Variants in ALDH7A1 observed in about 807,000 individuals in gnomAD.
ALDH7A1 encodes the protein alpha-aminoadipic semialdehyde dehydrogenase.
In ALDH7A1, 63 loss-of-function variants were observed where a neutral mutation model predicts 79.9. The observed-to-expected ratio is 0.79, with a 90% CI of 0.64 to 0.97. The LOEUF (loss-of-function observed/expected upper bound fraction) is 0.97. Among genes scored for constraint, ALDH7A1 ranks in the 50% least tolerant of loss-of-function variants. The pLI, the probability that ALDH7A1 is intolerant of heterozygous loss-of-function variation, is 0.00. For synonymous variants in ALDH7A1, 240 were observed against 231.2 expected, an observed-to-expected ratio of 1.04 and a Z score of -0.34; for missense variants, 627 against 665.2, an observed-to-expected ratio of 0.94 and a Z score of 0.63.
At chr5:126,579,543 C>T (rs947414910) in intron 5 of ALDH7A1, among the ~76,000 whole-genome samples, 10 of 152,174 alleles carry the variant, frequency 6.6e-5, no homozygotes, top group Non-Finnish European at 1.2e-4. Context: ...CCTTATAGCT[C>T]GAGTATCACC....
chr5:126,590,447 T>C lies in ALDH7A1; in HGVS notation c.312+2217A>G, dbSNP rs1345003134. ...GGTGGCGCACACCTGTAGTTTCAGCTACTTGGGAGACTGAGGCAGGAGAAT... is the reference window on the plus strand; with the variant it reads ...GGTGGCGCACACCTGTAGTTTCAGCCACTTGGGAGACTGAGGCAGGAGAAT... On this transcript the variant is annotated intron_variant, in intron 3 of 17. Coordinates refer to ENST00000409134, the MANE Select transcript of ALDH7A1 (RefSeq NM_001182.5). Among the ~76,000 whole-genome samples the C allele has an allele frequency of 2.1e-4, 32 of 151,978 alleles. 1 individual carries two copies. Among genetic ancestry groups the C allele is most frequent in the Admixed American group, 2.1e-3 (32 of 15,248 alleles).
At chr5:126,593,506 A>G (rs1751632060) in intron 1 of ALDH7A1, 102 bp from the exon 2 acceptor site, 1 of 1,505,350 alleles carries the variant, frequency 6.6e-7, no homozygotes, top group African/African-American at 1.4e-5. Flanking sequence ...AAAAAATGAT[A>G]TAATACCCAA....
intron 9 of ALDH7A1, chr5:126,567,787 C>CTTT (rs562611077): frequency 2.6e-5 from 3 of 117,572 alleles, no homozygotes; most frequent in Admixed American, 1.7e-4. Context: ...TTTTTTTTTT[C>CTTT]TTTTTTTTTT....
Position 126,559,289 on chromosome 5 carries a change from AAG to A in ALDH7A1, c.957_958del (p.Phe320ArgfsTer20). The A allele has an allele frequency of 6.2e-7, 1 of 1,614,094 alleles. No homozygotes were observed. Among genetic ancestry groups the A allele is most frequent in the Non-Finnish European group, 8.5e-7 (1 of 1,179,962 alleles). On this transcript the variant is annotated frameshift_variant, in exon 11 of 18. Coordinates refer to ENST00000409134, the MANE Select transcript of ALDH7A1 (RefSeq NM_001182.5). LOFTEE classifies it high-confidence loss of function. ...CTGGCCAGCTGTTCCCACAGCAGCG[AAG>A]AGAGCTGATGGAACAACTAAGCTGA...
intron 3 of ALDH7A1, among the ~76,000 whole-genome samples, chr5:126,584,694 C>T (rs1246604415): frequency 8.1e-6 from 1 of 122,996 alleles, no homozygotes; most frequent in African/African-American, 3.4e-5. Context: ...GCAGTGGTAA[C>T]AAGGGAAACA....
chr5:126,594,979 T>A, intron 1 of ALDH7A1, 28 bp downstream of exon 1: 2 of 1,568,390 alleles, frequency 1.3e-6, no homozygotes, highest in Non-Finnish European at 1.7e-6. Context: ...CCCCGGCGGC[T>A]GCAGAGATTT....
At chr5:126,578,007 G>A (rs778699797) in intron 5 of ALDH7A1, among the ~76,000 whole-genome samples, 7 of 151,236 alleles carry the variant, frequency 4.6e-5, no homozygotes, top group Middle Eastern at 3.4e-3. Context: ...TATGCAGGCC[G>A]GGCGTGGTGG....
chr5:126,568,365 G>C lies in ALDH7A1; in HGVS notation c.774-9C>G. On this transcript the variant is annotated splice_polypyrimidine_tract_variant and intron_variant, in intron 8 of 17. Coordinates refer to ENST00000409134, the MANE Select transcript of ALDH7A1 (RefSeq NM_001182.5). ...CTTTGGCCATTGCTGTGCTGCAAGG[G>C]AACAGACACGGTCGGCCACCCAAGC... The C allele has an allele frequency of 6.2e-7, 1 of 1,613,054 alleles. No homozygotes were observed. The highest frequency in any genetic ancestry group is 1.3e-5 in the African/African-American group (1 of 75,026).
intron 5 of ALDH7A1, chr5:126,582,114 G>A (rs1561666634): frequency 2.5e-6 from 1 of 398,610 alleles, no homozygotes; most frequent in Non-Finnish European, 4.4e-6. Context: ...CTTGAGGAGA[G>A]AAGTTTGAGA....
chr5:126,552,023 T>C lies in ALDH7A1; in HGVS notation c.1315A>G (p.Lys439Glu). 6.2e-7 allele frequency: 1 copy of C among 1,610,736 alleles called. No homozygotes were observed. Among genetic ancestry groups the C allele is most frequent in the Non-Finnish European group, 8.5e-7 (1 of 1,177,790 alleles). Residue 439 changes from lysine (K) to glutamate (E), a missense_variant and splice_region_variant, in exon 14 of 18, where the codon AAG (lysine) becomes GAG (glutamate). Lys to Glu is a moderately conservative substitution (Grantham distance 56, BLOSUM62 1). Coordinates refer to ENST00000409134, the MANE Select transcript of ALDH7A1 (RefSeq NM_001182.5). ...FAPILYVFKF[K>E]NEEEVFAWNN... is the part of the protein sequence containing the mutation. ...TAGCGAACAGAATGCATTTTTACCTTGAATTTAAAGACATAGAGAATCGGA... is the reference window on the plus strand; with the variant it reads ...TAGCGAACAGAATGCATTTTTACCTCGAATTTAAAGACATAGAGAATCGGA...
At chr5:126,579,748 A>G (rs937308819) in intron 5 of ALDH7A1, among the ~76,000 whole-genome samples, 14 of 152,208 alleles carry the variant, frequency 9.2e-5, no homozygotes, top group African/African-American at 3.1e-4. Context: ...ATTTGAGCCA[A>G]GGAGTTCTAG....
At chr5:126,574,486 G>T (rs1039817534) in intron 7 of ALDH7A1, among the ~76,000 whole-genome samples, 17 of 151,498 alleles carry the variant, frequency 1.1e-4, no homozygotes, top group Admixed American at 5.3e-4. Context: ...ATGAGGTCAG[G>T]AGATCAAGAC....
rs772482935 is a variant in ALDH7A1, at chr5:126,561,140, T to A, written c.872-16A>T. The A allele has an allele frequency of 1.1e-5, 18 of 1,591,998 alleles. No homozygotes were observed. The highest frequency in any genetic ancestry group is 1.7e-5 in the Admixed American group (1 of 59,408). ...AGACTTCTCCCTTAAAAGAAAAAAA[T>A]TATATATAAAAATTAATGCCTACTT... On this transcript the variant is annotated splice_polypyrimidine_tract_variant and intron_variant, in intron 9 of 17. Transcript: ENST00000409134.
intron 5 of ALDH7A1, among the ~76,000 whole-genome samples, chr5:126,578,790 C>T (rs770236657): frequency 3.9e-5 from 6 of 152,176 alleles, no homozygotes; most frequent in Non-Finnish European, 5.9e-5. Flanking sequence ...CCATACCACA[C>T]GAATACGATG....
chr5:126,547,130 C>T (rs774513061), intron 16 of ALDH7A1, among the ~76,000 whole-genome samples: 17 of 152,188 alleles, frequency 1.1e-4, no homozygotes, highest in Non-Finnish European at 1.9e-4. Context: ...GTCGCAGAGG[C>T]TCTAAGGAAC....
At chr5:126,564,114 C>T (rs991085036) in intron 9 of ALDH7A1, among the ~76,000 whole-genome samples, 23 of 152,224 alleles carry the variant, frequency 1.5e-4, no homozygotes, top group Admixed American at 1.3e-3. Flanking sequence ...CCTTACTCCT[C>T]CCAGCATAAA....
chr5:126,593,624 T>A, intron 1 of ALDH7A1: 1 of 651,574 alleles, frequency 1.5e-6, no homozygotes, highest in Non-Finnish European at 2.6e-6. Flanking sequence ...AACTCGCCTC[T>A]GACATCTCAA....
intron 9 of ALDH7A1, chr5:126,561,474 C>T: frequency 6.4e-6 from 1 of 156,066 alleles, no homozygotes; most frequent in South Asian, 1.5e-4. Context: ...CAATAATATG[C>T]ACCCACAGAG....
Position 126,543,400 on chromosome 5 carries a change from T to C in ALDH7A1, c.*1565A>G, listed in dbSNP as rs1420488410. 6.6e-6 allele frequency: 1 copy of C among 152,238 alleles called. No homozygotes were observed. Among genetic ancestry groups the C allele is most frequent in the East Asian group, 1.9e-4 (1 of 5,200 alleles). The allele number at this position is 152,238 out of a possible 1,614,324, so 9.4% of individuals were successfully genotyped here. A position where few individuals can be genotyped will look rare whatever the true frequency, so the allele number is the denominator to read the frequency against. On this transcript the variant is annotated 3_prime_UTR_variant, in exon 18 of 18. Coordinates refer to ENST00000409134, the MANE Select transcript of ALDH7A1 (RefSeq NM_001182.5). The stretch of plus-strand genomic sequence containing the variant: ...CCCACATACCCTCACCCATGATTTC[T>C]TCCTGCCAACCTTCTCTCAATAGCT...
Sources: allele counts gnomAD v4.1 joint callset (sites outside exome capture counted in the v4.1 genomes callset), GRCh38; gene constraint gnomAD v4.1.1; transcripts MANE v1.5; gene names NCBI Gene and HGNC (gene_info 2026-07-23, HGNC 2026-07-21).